The following TNFSF14 variants were observed in gnomAD, a reference collection of about 807,000 sequenced individuals.
TNFSF14 encodes tumor necrosis factor ligand superfamily member 14.
A neutral mutation model predicts 22.7 loss-of-function variants in TNFSF14; 15 were observed. That is an observed-to-expected ratio of 0.66 (90% confidence interval 0.44 to 1.02). The LOEUF (loss-of-function observed/expected upper bound fraction) is 1.02. Ranked by LOEUF, TNFSF14 falls within the 50% of genes least tolerant of loss-of-function variation. The probability of loss-of-function intolerance (pLI) is 0.00; values close to 1 mark genes in which losing one functional copy is unlikely to be tolerated. For synonymous variants in TNFSF14, 133 were observed against 139.6 expected (o/e 0.95, Z 0.33); for missense variants, 287 against 326.2 (o/e 0.88, Z 0.93).
rs779911148 is a variant in TNFSF14 at position 6,662,965 on chromosome 19, A to T, written c.*1961T>A. ...TGAGCCAACTGGGTCCAGGTTCCTC[A>T]TCTGTAGAATGACCTCCATGGGTCA... On this transcript the variant is annotated 3_prime_UTR_variant, in exon 4 of 4. Coordinates refer to ENST00000675206, the MANE Select transcript of TNFSF14 (RefSeq NM_001376887.1). The T allele has an allele frequency of 1.3e-5, 2 of 152,092 alleles. No individual in the cohort carries two copies. The highest frequency in any genetic ancestry group is 4.8e-5 in the African/African-American group (2 of 41,362). 9.4% of individuals were successfully genotyped at this position (152,092 alleles called of 1,614,324 possible).
At chr19:6,665,761 TTG>T (rs951381170) in intron 3 of TNFSF14, among the ~76,000 whole-genome samples, 1 of 148,072 alleles carries the variant, frequency 6.8e-6, no homozygotes, top group East Asian at 2.0e-4. Flanking sequence ...ACTAGGCTGT[TTG>T]TGTGTGTGTG....
chr19:6,670,246 G>A (rs1029677908), upstream of TNFSF14: 10 of 1,430,410 alleles, frequency 7.0e-6, no homozygotes, highest in Admixed American at 8.3e-5. Flanking sequence ...TCCGGTACCC[G>A]CCGCCCCCGG....
At chr19:6,666,707 C>T (rs997084183) in intron 3 of TNFSF14, among the ~76,000 whole-genome samples, 2 of 152,014 alleles carry the variant, frequency 1.3e-5, no homozygotes, top group Admixed American at 1.3e-4. Context: ...ACCAGCCTGG[C>T]CAACATGGCA....
chr19:6,666,112 G>T (rs1342435109), intron 3 of TNFSF14, among the ~76,000 whole-genome samples: 1 of 152,116 alleles, frequency 6.6e-6, no homozygotes, highest in Admixed American at 6.6e-5. Flanking sequence ...TCAAAACTTG[G>T]CTGGGTGTGG....
At chr19:6,669,816 C>T in intron 1 of TNFSF14, 35 bp downstream of exon 1, 2 of 1,604,088 alleles carry the variant, frequency 1.2e-6, no homozygotes, top group South Asian at 1.1e-5. Context: ...GCCCCCCTCA[C>T]CTCCACCTGC....
At position 6,669,960 on chromosome 19, in the gene TNFSF14, C is replaced by T. The variant is rs1026121116; in HGVS notation, c.110G>A (p.Arg37Gln). ...SHRRQSCSVA[R>Q]VGLGLLLLLM... ...CAACAGCAAGAGACCCAGACCCACC[C>T]GGGCCACACTGCACGACTGTCTCCG... is the stretch of plus-strand genomic sequence containing the variant. Residue 37 changes from arginine (R) to glutamine (Q), a missense_variant, in exon 1 of 4, where the codon CGG becomes CAG. Coordinates refer to ENST00000675206, the MANE Select transcript of TNFSF14 (RefSeq NM_001376887.1). 53 of 1,613,950 alleles carry T rather than the reference C, an allele frequency of 3.3e-5. No individual in the cohort carries two copies. Among genetic ancestry groups the T allele is most frequent in the Non-Finnish European group, 4.4e-5 (52 of 1,180,034 alleles).
intron 1 of TNFSF14, among the ~76,000 whole-genome samples, chr19:6,669,268 G>A (rs1917523103): frequency 6.6e-6 from 1 of 152,166 alleles, no homozygotes; most frequent in Non-Finnish European, 1.5e-5. Context: ...TGGATCTCCT[G>A]AGGTCGGGAG....
chr19:6,663,173 A>C lies in TNFSF14; in HGVS notation c.*1753T>G, dbSNP rs544300525. ...CTATTTGCCATTTATTTCAAAGATC[A>C]GTGGTTAAGAGGCCCAGGGTTATGA... On this transcript the variant is annotated 3_prime_UTR_variant, in exon 4 of 4. Coordinates refer to ENST00000675206, the MANE Select transcript of TNFSF14 (RefSeq NM_001376887.1). 2 of 152,382 alleles carry C rather than the reference A, an allele frequency of 1.3e-5. No individual in the cohort carries two copies. Among genetic ancestry groups the C allele is most frequent in the Admixed American group, 1.3e-4 (2 of 15,296 alleles). The allele number at this position is 152,382 out of a possible 1,614,324, so 9.4% of individuals were successfully genotyped here.
chr19:6,667,206 C>A, intron 2 of TNFSF14, 52 bp from the exon 3 acceptor site: 2 of 1,512,276 alleles, frequency 1.3e-6, no homozygotes, highest in Non-Finnish European at 1.8e-6. Flanking sequence ...GGTAAAAAGC[C>A]AGCCTCCTAA....
chr19:6,668,513 C>G (rs1917492098), intron 1 of TNFSF14, among the ~76,000 whole-genome samples: 1 of 152,094 alleles, frequency 6.6e-6, no homozygotes, highest in African/African-American at 2.4e-5. Flanking sequence ...CGAGACAAGT[C>G]TGGCCAACAT....
At chr19:6,665,441 C>G in intron 3 of TNFSF14, 91 bp from the exon 4 acceptor site, 1 of 1,362,756 alleles carries the variant, frequency 7.3e-7, no homozygotes, top group Non-Finnish European at 9.7e-7. Flanking sequence ...CAGAGTCTCG[C>G]TCTGTGGACC....
intron 1 of TNFSF14, 39 bp from the exon 2 acceptor site, chr19:6,667,488 C>T (rs112452405): frequency 6.1e-5 from 95 of 1,567,534 alleles, no homozygotes; most frequent in Admixed American, 4.5e-4. Context: ...GAACCTGCAG[C>T]GGGGGCCACG....
upstream of TNFSF14, chr19:6,670,265 C>G (rs537884257): frequency 7.0e-7 from 1 of 1,431,172 alleles, no homozygotes; most frequent in African/African-American, 1.4e-5. Flanking sequence ...GGTCTTGGCC[C>G]TGTCTCACTC....
rs200801114 is a variant in TNFSF14 at position 6,667,385 on chromosome 19, C to T, written c.256+28G>A. On this transcript the variant is annotated intron_variant, in intron 2 of 3. Transcript: ENST00000675206. ...GGTGGCATGGGAATCATCACACCTC[C>T]TTCCCTGGGGCCAGGACCCTGACTC... 110 of 1,529,368 alleles carry T rather than the reference C, an allele frequency of 7.2e-5. 1 individual carries two copies. In the African/African-American group the frequency reaches 1.4e-3, roughly 19 times the overall value. 94.7% of individuals were successfully genotyped at this position (1,529,368 alleles called of 1,614,324 possible). A position where few individuals can be genotyped will look rare whatever the true frequency, so the allele number is the denominator to read the frequency against.
Position 6,665,038 on chromosome 19 carries a change from C to T in TNFSF14, c.611G>A (p.Gly204Asp). ...SRVWWDSSFL[G>D]GVVHLEAGEK... ...CCCAGCCTCCAGGTGTACCACACCA[C>T]CCAGGAAGCTGCTGTCCCACCAGAC... Residue 204 changes from glycine (G) to aspartate (D), a missense_variant, in exon 4 of 4, where the codon GGT (glycine) becomes GAT (aspartate). By Grantham distance (94) the Gly-to-Asp change is moderately conservative. Coordinates refer to ENST00000675206, the MANE Select transcript of TNFSF14 (RefSeq NM_001376887.1). 6.2e-7 allele frequency: 1 copy of T among 1,614,204 alleles called. No individual in the cohort carries two copies. Among genetic ancestry groups the T allele is most frequent in the Non-Finnish European group, 8.5e-7 (1 of 1,180,018 alleles).
At chr19:6,668,021 T>C (rs1917479646) in intron 1 of TNFSF14, among the ~76,000 whole-genome samples, 2 of 151,712 alleles carry the variant, frequency 1.3e-5, no homozygotes, top group African/African-American at 2.4e-5. Context: ...GGTGACAGAG[T>C]GAGATTCTAT....
intron 3 of TNFSF14, 114 bp downstream of exon 3, chr19:6,666,999 T>G: frequency 8.6e-7 from 1 of 1,158,270 alleles, no homozygotes; most frequent in Non-Finnish European, 1.2e-6. Context: ...TCTGAGCAAC[T>G]CTGTGAGTAA....
At chr19:6,667,583 C>A (rs1022609968) in intron 1 of TNFSF14, 134 bp from the exon 2 acceptor site, 13 of 948,458 alleles carry the variant, frequency 1.4e-5, no homozygotes, top group Middle Eastern at 3.0e-4. Flanking sequence ...GGGCCACATA[C>A]TCTCACTTGC....
At chr19:6,669,383 T>G (rs1295709037) in intron 1 of TNFSF14, among the ~76,000 whole-genome samples, 1 of 152,146 alleles carries the variant, frequency 6.6e-6, no homozygotes, top group Non-Finnish European at 1.5e-5. Context: ...CTCGGGAGGC[T>G]GAGGCAGGAG....
Sources: allele counts gnomAD v4.1 joint callset (sites outside exome capture counted in the v4.1 genomes callset), GRCh38; gene constraint gnomAD v4.1.1; transcripts MANE v1.5; gene names NCBI Gene and HGNC (gene_info 2026-07-23, HGNC 2026-07-21).